CDH13: variants seen among roughly 807,000 people sequenced by gnomAD.
The protein encoded by CDH13 is cadherin 13.
In CDH13, 24 loss-of-function variants were observed where a neutral mutation model predicts 63.8. That is an observed-to-expected ratio of 0.38 (90% CI 0.27 to 0.53). CDH13 has a LOEUF of 0.53. Ranked by LOEUF, CDH13 falls within the 20% of genes least tolerant of loss-of-function variation. The probability of loss-of-function intolerance (pLI) is 0.85; values close to 1 mark genes in which losing one functional copy is unlikely to be tolerated. For synonymous variants in CDH13, 503 were observed against 355.3 expected, an observed-to-expected ratio of 1.42 and a Z score of -4.67; for missense variants, 1,049 against 903.1, an observed-to-expected ratio of 1.16 and a Z score of -2.07.
intron 2 of CDH13, among the ~76,000 whole-genome samples, chr16:83,031,380 ACG>A (rs1567761894): frequency 1.3e-4 from 9 of 69,430 alleles, no homozygotes; most frequent in African/African-American, 2.2e-4. Flanking sequence ...ATATGTATAC[ACG>A]TATATGTATA....
chr16:82,641,001 G>T (rs1244768283), intron 1 of CDH13, among the ~76,000 whole-genome samples: 1 of 152,148 alleles, frequency 6.6e-6, no homozygotes, highest in East Asian at 1.9e-4. Context: ...TGATCTCAAG[G>T]TCCATAAGTG....
intron 1 of CDH13, among the ~76,000 whole-genome samples, chr16:82,749,900 A>G (rs1234882025): frequency 6.6e-6 from 1 of 152,154 alleles, no homozygotes; most frequent in Non-Finnish European, 1.5e-5. Context: ...TGACTGAATG[A>G]AAGAAAAAAA....
chr16:83,337,609 A>G (rs1414421731), intron 5 of CDH13, among the ~76,000 whole-genome samples: 1 of 140,602 alleles, frequency 7.1e-6, no homozygotes, highest in Admixed American at 7.5e-5. Context: ...TGAGAATTAA[A>G]TTGACAAGCG....
chr16:83,067,896 G>C (rs1471089478), intron 3 of CDH13, among the ~76,000 whole-genome samples: 2 of 151,940 alleles, frequency 1.3e-5, no homozygotes, highest in Non-Finnish European at 2.9e-5. Flanking sequence ...TTCGCCACCT[G>C]CTCTGGCCAA....
Position 83,039,066 on chromosome 16 carries a change from C to T in CDH13, c.366+6848C>T, listed in dbSNP as rs991071405. On this transcript the variant is annotated intron_variant, in intron 3 of 13. Coordinates refer to ENST00000567109, the MANE Select transcript of CDH13 (RefSeq NM_001257.5). ...AGTGGTAGAATTTAGATGCCTACGG[C>T]CAGGCAGCTGGTCCTTATGAACAAA... 4.6e-5 allele frequency among the ~76,000 whole-genome samples: 7 copies of T among 152,186 alleles called. No homozygotes were observed. In the South Asian group the frequency reaches 8.3e-4, roughly 18 times the overall value.
intron 8 of CDH13, among the ~76,000 whole-genome samples, chr16:83,637,376 C>G (rs1291505454): frequency 4.4e-5 from 3 of 68,708 alleles, no homozygotes; most frequent in Non-Finnish European, 5.6e-5. Context: ...CCGGGTTCAT[C>G]TCACTAGGGA....
At chr16:82,717,470 T>C (rs1279402410) in intron 1 of CDH13, among the ~76,000 whole-genome samples, 1 of 146,410 alleles carries the variant, frequency 6.8e-6, no homozygotes, top group Non-Finnish European at 1.5e-5. Flanking sequence ...CCCCCACTCA[T>C]CCACACTTAC....
intron 5 of CDH13, among the ~76,000 whole-genome samples, chr16:83,229,909 G>A (rs562557312): frequency 3.9e-5 from 6 of 152,238 alleles, no homozygotes; most frequent in South Asian, 2.1e-4. Context: ...CTGGAGAGTC[G>A]CATCCTCGTT....
At chr16:82,914,900 C>A (rs927593252) in intron 2 of CDH13, among the ~76,000 whole-genome samples, 1 of 152,214 alleles carries the variant, frequency 6.6e-6, no homozygotes, top group East Asian at 1.9e-4. Flanking sequence ...ACGGTGTCAC[C>A]ATGAGTATCA....
chr16:83,001,321 GT>G (rs1912906759), intron 2 of CDH13, among the ~76,000 whole-genome samples: 1 of 152,236 alleles, frequency 6.6e-6, no homozygotes, highest in South Asian at 2.1e-4. Flanking sequence ...CACAAGTAGT[GT>G]TGCATTGGTG....
chr16:83,256,109 C>G (rs1254392863), intron 5 of CDH13, among the ~76,000 whole-genome samples: 1 of 152,184 alleles, frequency 6.6e-6, no homozygotes, highest in Non-Finnish European at 1.5e-5. Flanking sequence ...TCTTTGCTCA[C>G]TGCAGCCTTG....
chr16:82,724,141 G>GT (rs1597408861), intron 1 of CDH13, among the ~76,000 whole-genome samples: 1 of 152,078 alleles, frequency 6.6e-6, no homozygotes, highest in South Asian at 2.1e-4. Flanking sequence ...GGGTAAAGAG[G>GT]TTTTTTGTTA....
chr16:83,474,198 C>G (rs994516424), intron 6 of CDH13, among the ~76,000 whole-genome samples: 2 of 152,084 alleles, frequency 1.3e-5, no homozygotes. Context: ...ATCTCCTCCT[C>G]CATGGAATTA....
At chr16:83,669,982 A>C (rs1439871385) in intron 8 of CDH13, among the ~76,000 whole-genome samples, 1 of 152,212 alleles carries the variant, frequency 6.6e-6, no homozygotes, top group African/African-American at 2.4e-5. Context: ...TTCTCTATCT[A>C]TGAGAAAGTT....
At chr16:82,809,271 C>T (rs2037319411) in intron 1 of CDH13, among the ~76,000 whole-genome samples, 1 of 150,836 alleles carries the variant, frequency 6.6e-6, no homozygotes, top group Non-Finnish European at 1.5e-5. Context: ...TTCATTTCTT[C>T]AATCACAAGT....
chr16:83,045,828 A>G (rs915865183), intron 3 of CDH13, among the ~76,000 whole-genome samples: 3 of 152,222 alleles, frequency 2.0e-5, no homozygotes, highest in Non-Finnish European at 4.4e-5. Flanking sequence ...TTTTCCACCC[A>G]GCACATGGGA....
intron 7 of CDH13, among the ~76,000 whole-genome samples, chr16:83,555,741 T>A (rs1782025352): frequency 6.6e-6 from 1 of 152,206 alleles, no homozygotes. Context: ...AAATCAGATT[T>A]TAAGCAGAAT....
chr16:82,628,158 T>C (rs755092162), intron 1 of CDH13, among the ~76,000 whole-genome samples: 8 of 152,134 alleles, frequency 5.3e-5, no homozygotes, highest in South Asian at 4.2e-4. Context: ...CAGGGGCCTG[T>C]GGTTTCGGAG....
intron 13 of CDH13, among the ~76,000 whole-genome samples, chr16:83,786,317 C>T (rs1915875590): frequency 6.6e-6 from 1 of 152,128 alleles, no homozygotes; most frequent in African/African-American, 2.4e-5. Flanking sequence ...GTGTTAATTG[C>T]AGTGGTAGTT....
Sources: gnomAD v4.1 joint callset for allele counts (sites outside exome capture counted in the v4.1 genomes callset) on GRCh38, gnomAD v4.1.1 for gene constraint, MANE v1.5 for transcripts, NCBI Gene and HGNC (gene_info 2026-07-23, HGNC 2026-07-21) for gene names.